Variants in ANKRD30A observed in about 807,000 individuals in gnomAD.
ANKRD30A encodes the protein ankyrin repeat domain 30A, also known as ankyrin repeat domain-containing protein 30A.
Under a neutral mutation model 166.3 loss-of-function variants are expected in ANKRD30A, and 170 were observed. The observed-to-expected ratio is 1.02, with a 90% CI of 0.90 to 1.16. The LOEUF is 1.16. Among genes scored for constraint, ANKRD30A ranks in the 50% most tolerant of loss-of-function variants. The pLI is 0.00. For missense variants in ANKRD30A, 1,630 were observed against 1,518.0 expected (o/e 1.07, Z -1.23); for synonymous variants, 564 against 508.9 (o/e 1.11, Z -1.46).
the ANKRD30A span, among the ~76,000 whole-genome samples, chr10:37,237,871 G>T: frequency 6.6e-6 from 1 of 152,192 alleles, no homozygotes; most frequent in African/African-American, 2.4e-5. Flanking sequence ...ACTGTATGTG[G>T]TCTCTTGAAT....
At chr10:37,200,609 T>C (rs928541195) in intron 30 of ANKRD30A, among the ~76,000 whole-genome samples, 30 of 152,244 alleles carry the variant, frequency 2.0e-4, no homozygotes, top group African/African-American at 6.7e-4. Flanking sequence ...TATTTGCTTT[T>C]ATTTAGACAT....
Position 37,162,830 on chromosome 10 carries a change from GAACA to G in ANKRD30A, c.1989_1992del (p.Gln663HisfsTer2). 1.2e-6 allele frequency: 2 copies of G among 1,613,512 alleles called. No individual in the cohort carries two copies. The highest frequency in any genetic ancestry group is 1.1e-5 in the South Asian group (1 of 91,042). The stretch of plus-strand genomic sequence containing the variant: ...AAATAAAGCCTTGGAATTGAAAAAT[GAACA>G]AACATTGAGAGCAGGTAAATTTTTC... On this transcript the variant is annotated frameshift_variant, in exon 17 of 36. Coordinates refer to ENST00000361713, the MANE Select transcript of ANKRD30A (RefSeq NM_052997.3). LOFTEE classifies it high-confidence loss of function.
chr10:37,213,650 T>A (rs1842459235), intron 31 of ANKRD30A, among the ~76,000 whole-genome samples: 2 of 151,328 alleles, frequency 1.3e-5, no homozygotes, highest in African/African-American at 4.8e-5. Flanking sequence ...AAATTTTAAT[T>A]TAAGTGCTGT....
At chr10:37,150,241 A>G (rs1032647125) in intron 11 of ANKRD30A, among the ~76,000 whole-genome samples, 15 of 152,044 alleles carry the variant, frequency 9.9e-5, no homozygotes, top group African/African-American at 3.6e-4. Flanking sequence ...GTGTTTTAAT[A>G]TTAATTACCT....
intron 31 of ANKRD30A, among the ~76,000 whole-genome samples, chr10:37,202,282 A>G (rs1021071283): frequency 1.3e-5 from 2 of 152,168 alleles, no homozygotes; most frequent in Non-Finnish European, 2.9e-5. Flanking sequence ...ATTATCACAA[A>G]CTGTCTCTCA....
At position 37,129,977 on chromosome 10, in the gene ANKRD30A, T is replaced by C; in HGVS notation, c.306T>C (p.Leu102=). 1 of 1,578,100 alleles carries C rather than the reference T, an allele frequency of 6.3e-7. No individual in the cohort carries two copies. Among genetic ancestry groups the C allele is most frequent in the Non-Finnish European group, 8.6e-7 (1 of 1,159,922 alleles). The part of the protein sequence containing the change: ...LVDRKCQLDV[L]DGEHRTPLMK... ...ACAGAAAGTGCCAGCTTGACGTCCTTGATGGCGAACACAGGACACCTCTGA... is the reference window on the plus strand; with the variant it reads ...ACAGAAAGTGCCAGCTTGACGTCCTCGATGGCGAACACAGGACACCTCTGA... The change falls in exon 2 of 36, where the codon CTT becomes CTC. Residue 102 remains leucine, a synonymous_variant. Coordinates refer to ENST00000361713, the MANE Select transcript of ANKRD30A (RefSeq NM_052997.3).
At chr10:37,165,069 T>G in intron 17 of ANKRD30A, 25 bp from the exon 18 acceptor site, 1 of 1,591,608 alleles carries the variant, frequency 6.3e-7, no homozygotes, top group Non-Finnish European at 8.6e-7. Context: ...TGCTCATGAA[T>G]GTATCTGTGA....
the ANKRD30A span, among the ~76,000 whole-genome samples, chr10:37,257,804 T>C: frequency 6.6e-6 from 1 of 152,218 alleles, no homozygotes; most frequent in African/African-American, 2.4e-5. Context: ...AATGAGTTCA[T>C]GTCCTTTGCA....
chr10:37,217,633 A>T, intron 32 of ANKRD30A, 62 bp from the exon 33 acceptor site: 1 of 1,335,900 alleles, frequency 7.5e-7, no homozygotes, highest in Non-Finnish European at 1.0e-6. Context: ...GAAGAAATAG[A>T]TCTCAAAATG....
intron 18 of ANKRD30A, among the ~76,000 whole-genome samples, chr10:37,166,212 G>A (rs1297948296): frequency 6.6e-6 from 1 of 152,120 alleles, no homozygotes; most frequent in African/African-American, 2.4e-5. Context: ...AATGTTTACT[G>A]CTGTATGTGT....
downstream of ANKRD30A, among the ~76,000 whole-genome samples, chr10:37,236,248 A>G (rs1419124280): frequency 6.6e-6 from 1 of 152,214 alleles, no homozygotes; most frequent in Non-Finnish European, 1.5e-5. Flanking sequence ...TTCAGAACAT[A>G]GGAATTAGAT....
At chr10:37,162,069 G>A (rs1838942505) in intron 15 of ANKRD30A, among the ~76,000 whole-genome samples, 1 of 152,030 alleles carries the variant, frequency 6.6e-6, no homozygotes, top group African/African-American at 2.4e-5. Flanking sequence ...TTGCATGAGT[G>A]GATCCAGAAG....
downstream of ANKRD30A, among the ~76,000 whole-genome samples, chr10:37,235,884 C>A (rs1296470197): frequency 2.6e-5 from 4 of 151,600 alleles, no homozygotes. Flanking sequence ...ATTCTCCTGC[C>A]ACAGCCTCCC....
intron 31 of ANKRD30A, among the ~76,000 whole-genome samples, chr10:37,209,972 C>CT (rs927748499): frequency 3.3e-5 from 5 of 151,718 alleles, no homozygotes; most frequent in African/African-American, 1.2e-4. Context: ...AAAAGGTTTT[C>CT]TTATATTATA....
At chr10:37,217,966 T>G (rs1842690916) in intron 33 of ANKRD30A, 88 bp downstream of exon 33, 2 of 979,808 alleles carry the variant, frequency 2.0e-6, no homozygotes, top group Non-Finnish European at 2.8e-6. Flanking sequence ...GTATGTATTA[T>G]TCAGGTCTAA....
chr10:37,213,931 T>A (rs949667307), intron 31 of ANKRD30A, among the ~76,000 whole-genome samples: 3 of 151,658 alleles, frequency 2.0e-5, no homozygotes, highest in African/African-American at 7.3e-5. Context: ...CTTTGAGTAC[T>A]TCTGAAGAAT....
chr10:37,217,895 TA>T lies in ANKRD30A; in HGVS notation c.3267+22del, dbSNP rs1267161923. 6.8e-7 allele frequency: 1 copy of T among 1,479,724 alleles called. No homozygotes were observed. The highest frequency in any genetic ancestry group is 9.0e-7 in the Non-Finnish European group (1 of 1,106,886). The allele number at this position is 1,479,724 out of a possible 1,614,324, so 91.7% of individuals were successfully genotyped here. ...TTGAATCAGGTAAATCAATCTCTGA[TA>T]AAAATTTTATATTTCTAACTTTATT... On this transcript the variant is annotated intron_variant, in intron 33 of 35. Transcript: ENST00000361713.
rs1842759092 is a variant in ANKRD30A at position 37,219,279 on chromosome 10, A to G, written c.3567A>G (p.Glu1189=). Reference sequence around the variant, plus strand: ...AATTGAAGGAAAAACAAGACAAAGAAATACTAGAGGCAGAAATTGAATCAC... The same window carrying G: ...AATTGAAGGAAAAACAAGACAAAGAGATACTAGAGGCAGAAATTGAATCAC... ...TSKLKEKQDK[E]ILEAEIESHH... is the part of the protein sequence containing the mutation. The change falls in exon 34 of 36, where the codon GAA becomes GAG. Residue 1189 remains glutamate (E), a synonymous_variant. Coordinates refer to ENST00000361713, the MANE Select transcript of ANKRD30A (RefSeq NM_052997.3). 1 of 1,610,446 alleles carries G rather than the reference A, an allele frequency of 6.2e-7. No homozygotes were observed. The highest frequency in any genetic ancestry group is 2.2e-5 in the East Asian group (1 of 44,756).
chr10:37,234,035 CTATAAA>C (rs1301929023), downstream of ANKRD30A, among the ~76,000 whole-genome samples: 4 of 152,032 alleles, frequency 2.6e-5, no homozygotes, highest in African/African-American at 9.7e-5. Flanking sequence ...GCTTTTTTAA[CTATAAA>C]GAAACTGATT....
Sources: gnomAD v4.1 joint callset for allele counts (sites outside exome capture counted in the v4.1 genomes callset) on GRCh38, gnomAD v4.1.1 for gene constraint, MANE v1.5 for transcripts, NCBI Gene and HGNC (gene_info 2026-07-23, HGNC 2026-07-21) for gene names.